The following INSR variants were observed in gnomAD, a reference collection of about 807,000 sequenced individuals.
INSR encodes IR.
INSR carries 67 observed loss-of-function variants against 142.6 expected under a neutral mutation model. The ratio of observed to expected loss-of-function variants is 0.47; its 90% CI spans 0.39 to 0.58. The LOEUF is 0.58. INSR is among the 20% of genes least tolerant of loss of function. The pLI is 0.00. For synonymous variants in INSR, 756 were observed against 743.1 expected (o/e 1.02, Z -0.28); for missense variants, 1,248 against 1,833.2 (o/e 0.68, Z 5.83).
intron 2 of INSR, among the ~76,000 whole-genome samples, chr19:7,263,546 C>T (rs1977130187): frequency 6.6e-6 from 1 of 152,058 alleles, no homozygotes. Context: ...AAAACAAGCC[C>T]GGTTCTTTTT....
intron 2 of INSR, among the ~76,000 whole-genome samples, chr19:7,200,953 G>A (rs543425324): frequency 2.3e-4 from 35 of 151,626 alleles, no homozygotes; most frequent in Admixed American, 3.9e-4. Flanking sequence ...TAACCACTCC[G>A]GCTTGCTCCA....
In INSR at chr19:7,117,006, A is replaced by G; in HGVS notation, c.*50T>C. The G allele has an allele frequency of 7.1e-7, 1 of 1,407,872 alleles. No homozygotes were observed. Among genetic ancestry groups the G allele is most frequent in the Non-Finnish European group, 1.0e-6 (1 of 991,944 alleles). 87.2% of individuals were successfully genotyped at this position (1,407,872 alleles called of 1,614,324 possible). ...AGTTTTCCAGAGGCTTTCAAACCAG[A>G]GGAAAGCGAAAATGGGAACCCCTGC... is the stretch of plus-strand genomic sequence containing the variant. On this transcript the variant is annotated 3_prime_UTR_variant, in exon 22 of 22. Transcript: ENST00000302850.
At chr19:7,153,348 A>G (rs1568449920) in intron 9 of INSR, among the ~76,000 whole-genome samples, 1 of 5,816 alleles carries the variant, frequency 1.7e-4, no homozygotes, top group Non-Finnish European at 4.0e-4. Flanking sequence ...CACACACCAC[A>G]GACCACACAC....
chr19:7,252,266 G>T (rs1483196067), intron 2 of INSR, among the ~76,000 whole-genome samples: 1 of 152,086 alleles, frequency 6.6e-6, no homozygotes, highest in South Asian at 2.1e-4. Flanking sequence ...AAAAAAAGTA[G>T]CCAGGCGTGG....
At chr19:7,132,425 A>G in intron 13 of INSR, 108 bp from the exon 14 acceptor site, 1 of 1,252,876 alleles carries the variant, frequency 8.0e-7, no homozygotes, top group Non-Finnish European at 1.1e-6. Context: ...AAATGACGCC[A>G]AGGCAGCAAA....
intron 2 of INSR, among the ~76,000 whole-genome samples, chr19:7,196,920 T>C (rs369213053): frequency 5.3e-5 from 8 of 152,350 alleles, no homozygotes; most frequent in African/African-American, 1.9e-4. Flanking sequence ...GTGAGTTTTA[T>C]AAACTCCTTA....
At position 7,184,320 on chromosome 19, in the gene INSR, T is replaced by C. The variant is rs370295429; in HGVS notation, c.970A>G (p.Ser324Gly). 6.2e-7 allele frequency: 1 copy of C among 1,613,712 alleles called. No individual in the cohort carries two copies. Among genetic ancestry groups the C allele is most frequent in the Non-Finnish European group, 8.5e-7 (1 of 1,179,934 alleles). The part of the protein sequence containing the change: ...ECPSGYTMNS[S>G]NLLCTPCLGP... ...AGACCCACATCCAGAACTCACTTGC[T>C]GGAATTCATCGTGTACCCGGAGGGA... Residue 324 changes from serine to glycine, a missense_variant, in exon 3 of 22, where the codon AGC (serine) becomes GGC (glycine). Ser to Gly is a moderately conservative substitution (Grantham distance 56). Coordinates refer to ENST00000302850, the MANE Select transcript of INSR (RefSeq NM_000208.4).
chr19:7,240,502 G>A (rs1976306444), intron 2 of INSR, among the ~76,000 whole-genome samples: 2 of 152,220 alleles, frequency 1.3e-5, no homozygotes, highest in African/African-American at 4.8e-5. Flanking sequence ...AGGCAAGGCG[G>A]AGGTTGCAGT....
At chr19:7,235,907 T>C (rs1456799353) in intron 2 of INSR, among the ~76,000 whole-genome samples, 1 of 151,162 alleles carries the variant, frequency 6.6e-6, no homozygotes, top group East Asian at 1.9e-4. Flanking sequence ...CAATTAGAAC[T>C]CTCATACATT....
intron 2 of INSR, among the ~76,000 whole-genome samples, chr19:7,223,033 A>T (rs531596206): frequency 6.6e-6 from 1 of 152,292 alleles, no homozygotes; most frequent in African/African-American, 2.4e-5. Flanking sequence ...CAATACAAAA[A>T]TTAGCCCAGT....
intron 2 of INSR, among the ~76,000 whole-genome samples, chr19:7,238,002 G>T (rs1976217339): frequency 6.6e-6 from 1 of 152,040 alleles, no homozygotes; most frequent in Admixed American, 6.6e-5. Flanking sequence ...GGAAGGGGAG[G>T]TTTCCCTCCA....
At chr19:7,277,681 C>A (rs1180725200) in intron 1 of INSR, among the ~76,000 whole-genome samples, 1 of 152,096 alleles carries the variant, frequency 6.6e-6, no homozygotes, top group African/African-American at 2.4e-5. Context: ...TCTGTGCTCC[C>A]GGCTACTCAG....
At chr19:7,170,083 A>G (rs1973979696) in intron 6 of INSR, among the ~76,000 whole-genome samples, 1 of 152,112 alleles carries the variant, frequency 6.6e-6, no homozygotes, top group Admixed American at 6.6e-5. Flanking sequence ...GAGGTGAGTG[A>G]TAGGTGAGCA....
chr19:7,188,616 AATCCCAG>A (rs1974494958), intron 2 of INSR, among the ~76,000 whole-genome samples: 1 of 151,632 alleles, frequency 6.6e-6, no homozygotes, highest in African/African-American at 2.4e-5. Context: ...TGATGCTTGT[AATCCCAG>A]CACTTTGAGA....
chr19:7,152,956 CA>C, intron 9 of INSR, 29 bp from the exon 10 acceptor site: 1 of 1,562,996 alleles, frequency 6.4e-7, no homozygotes, highest in Non-Finnish European at 8.7e-7. Context: ...AAGGGGGGCT[CA>C]AGTCTCTGCG....
Position 7,136,414 on chromosome 19 carries a change from T to C in INSR, c.2683-4097A>G, listed in dbSNP as rs188686301. Among the ~76,000 whole-genome samples the C allele has an allele frequency of 5.3e-5, 8 of 152,240 alleles. No individual in the cohort carries two copies. The East Asian group carries it at 1.4e-3, about 26-fold the overall frequency. ...GCCCAGAACTTTCTGAGTGTGGACA[T>C]TGAAAATCTCACATCCCAGGGAGCC... is the stretch of plus-strand genomic sequence containing the variant. On this transcript the variant is annotated intron_variant, in intron 13 of 21. Coordinates refer to ENST00000302850, the MANE Select transcript of INSR (RefSeq NM_000208.4).
At position 7,184,415 on chromosome 19, in the gene INSR, T is replaced by G; in HGVS notation, c.875A>C (p.Lys292Thr). The G allele has an allele frequency of 6.2e-7, 1 of 1,614,068 alleles. No homozygotes were observed. The highest frequency in any genetic ancestry group is 8.5e-7 in the Non-Finnish European group (1 of 1,180,020). ...GCCCTGCCTCCGCGAGTTCTTGCAT[T>G]TGTGGTGCAGGTCCTGGCAGAAGCT... ...NFSFCQDLHH[K>T]CKNSRRQGCH... is the part of the protein sequence containing the mutation. Residue 292 changes from lysine to threonine, a missense_variant, in exon 3 of 22, where the codon AAA becomes ACA. Physicochemically the swap from Lys to Thr is moderately conservative, Grantham distance 78. Transcript: ENST00000302850.
chr19:7,238,548 G>A (rs1015715471), intron 2 of INSR, among the ~76,000 whole-genome samples: 1 of 147,894 alleles, frequency 6.8e-6, no homozygotes, highest in Non-Finnish European at 1.5e-5. Context: ...TTGAACCCAG[G>A]AGGTAGAGGT....
At chr19:7,237,741 G>A (rs1237700935) in intron 2 of INSR, among the ~76,000 whole-genome samples, 2 of 151,980 alleles carry the variant, frequency 1.3e-5, no homozygotes, top group African/African-American at 2.4e-5. Flanking sequence ...GCGTAAACCC[G>A]GGAGGTGGAG....
Sources: gnomAD v4.1 joint callset for allele counts (sites outside exome capture counted in the v4.1 genomes callset) on GRCh38, gnomAD v4.1.1 for gene constraint, MANE v1.5 for transcripts, NCBI Gene and HGNC (gene_info 2026-07-23, HGNC 2026-07-21) for gene names.